The following RNLS variants were observed in gnomAD, a reference collection of about 807,000 sequenced individuals.
RNLS encodes renalase.
A neutral mutation model predicts 39.8 loss-of-function variants in RNLS; 39 were observed. That is an observed-to-expected ratio of 0.98 (90% CI 0.76 to 1.28). RNLS has a LOEUF of 1.28. Among genes scored for constraint, RNLS ranks in the 50% most tolerant of loss-of-function variants. The pLI, the probability that RNLS is intolerant of heterozygous loss-of-function variation, is 0.00. For synonymous variants in RNLS, 147 were observed against 150.7 expected (o/e 0.98, Z 0.18); for missense variants, 410 against 413.3 (o/e 0.99, Z 0.07).
chr10:88,360,967 C>T (rs1849599752), intron 5 of RNLS, among the ~76,000 whole-genome samples: 2 of 152,160 alleles, frequency 1.3e-5, no homozygotes, highest in East Asian at 1.9e-4. Context: ...TAACAAAATA[C>T]CATAGACTGG....
chr10:88,543,280 CTCCCAGTGT>C (rs1339277572), intron 4 of RNLS, among the ~76,000 whole-genome samples: 3 of 152,128 alleles, frequency 2.0e-5, no homozygotes, highest in Admixed American at 6.6e-5. Flanking sequence ...TCATCCACAG[CTCCCAGTGT>C]TCCCATCCTA....
chr10:88,394,966 T>A (rs1319295452), intron 4 of RNLS, among the ~76,000 whole-genome samples: 1 of 151,992 alleles, frequency 6.6e-6, no homozygotes, highest in Admixed American at 6.6e-5. Flanking sequence ...CACCGCATGT[T>A]CTCACTCATA....
At chr10:88,576,637 G>A (rs1199145238) in intron 3 of RNLS, among the ~76,000 whole-genome samples, 1 of 152,194 alleles carries the variant, frequency 6.6e-6, no homozygotes, top group Admixed American at 6.5e-5. Context: ...CGTTACGGAT[G>A]AGTGCCAGGA....
chr10:88,343,420 A>T (rs2133234013), intron 5 of RNLS: 1 of 594,180 alleles, frequency 1.7e-6, no homozygotes, highest in South Asian at 7.4e-5. Flanking sequence ...TCCATTTTCA[A>T]AAATGGGAAA....
intron 4 of RNLS, among the ~76,000 whole-genome samples, chr10:88,483,488 T>C (rs893801087): frequency 1.3e-5 from 2 of 152,194 alleles, no homozygotes; most frequent in Non-Finnish European, 2.9e-5. Flanking sequence ...TCTTGTTAAC[T>C]GTGATTTTTC....
intron 4 of RNLS, among the ~76,000 whole-genome samples, chr10:88,381,413 A>AATG (rs1491552626): frequency 1.3e-4 from 20 of 151,930 alleles, no homozygotes; most frequent in African/African-American, 4.8e-4. Context: ...TTTTAAAAAT[A>AATG]CAATATTTTC....
At chr10:88,474,253 G>A (rs1200392443) in intron 4 of RNLS, among the ~76,000 whole-genome samples, 1 of 152,028 alleles carries the variant, frequency 6.6e-6, no homozygotes. Context: ...TTGATTTATG[G>A]CTCCAGATTC....
chr10:88,466,567 T>C (rs913337362), intron 4 of RNLS, among the ~76,000 whole-genome samples: 3 of 152,166 alleles, frequency 2.0e-5, no homozygotes, highest in African/African-American at 7.2e-5. Flanking sequence ...TTCCTTCCTT[T>C]GCAACCCGCC....
intron 4 of RNLS, among the ~76,000 whole-genome samples, chr10:88,497,968 A>C (rs1589899224): frequency 1.3e-5 from 2 of 152,066 alleles, no homozygotes; most frequent in East Asian, 1.9e-4. Context: ...AAAAAGTCCT[A>C]GTCAAGAGCA....
Position 88,573,794 on chromosome 10 carries a change from T to A in RNLS, c.368-733A>T, listed in dbSNP as rs569947502. On this transcript the variant is annotated intron_variant, in intron 3 of 6. Coordinates refer to ENST00000331772, the MANE Select transcript of RNLS (RefSeq NM_001031709.3). ...ATTATACCTGTTTTATTTCTATGTATAGCATATAGTATACATAGCATAGAA... is the reference window on the plus strand; with the variant it reads ...ATTATACCTGTTTTATTTCTATGTAAAGCATATAGTATACATAGCATAGAA... Among the ~76,000 whole-genome samples the A allele has an allele frequency of 2.0e-5, 3 of 151,440 alleles. No homozygotes were observed. The East Asian group carries it at 5.8e-4, about 29-fold the overall frequency.
chr10:88,267,129 C>A, the RNLS span, among the ~76,000 whole-genome samples: 1 of 152,146 alleles, frequency 6.6e-6, no homozygotes, highest in Admixed American at 6.6e-5. Flanking sequence ...CTAATTTGGT[C>A]TTTGTGTCTG....
chr10:88,284,817 T>C lies in RNLS; in HGVS notation c.*537A>G. 4 of 985,322 alleles carry C rather than the reference T, an allele frequency of 4.1e-6. No homozygotes were observed. Among genetic ancestry groups the C allele is most frequent in the Non-Finnish European group, 4.8e-6 (4 of 829,852 alleles). 61.0% of individuals were successfully genotyped at this position (985,322 alleles called of 1,614,324 possible). On this transcript the variant is annotated 3_prime_UTR_variant, in exon 7 of 7. Transcript: ENST00000331772. ...CCCTCCACACTAAGATGATGACATA[T>C]ATGACCTACAATTCAGGATCACTTA... is the stretch of plus-strand genomic sequence containing the variant.
At chr10:88,536,160 G>C (rs938320315) in intron 4 of RNLS, among the ~76,000 whole-genome samples, 1 of 151,872 alleles carries the variant, frequency 6.6e-6, no homozygotes, top group African/African-American at 2.4e-5. Context: ...GGGTATAATA[G>C]TGGTACCTCC....
intron 4 of RNLS, among the ~76,000 whole-genome samples, chr10:88,566,639 T>G: frequency 6.6e-6 from 1 of 152,008 alleles, no homozygotes; most frequent in East Asian, 1.9e-4. Context: ...CAAAAGGAAC[T>G]CTTGAAAATT....
At chr10:88,319,867 A>G (rs1846047443) in intron 5 of RNLS, among the ~76,000 whole-genome samples, 2 of 152,154 alleles carry the variant, frequency 1.3e-5, no homozygotes, top group African/African-American at 4.8e-5. Context: ...AACATATTGG[A>G]GACAGTAATT....
the RNLS span, among the ~76,000 whole-genome samples, chr10:88,182,441 G>A: frequency 2.6e-5 from 4 of 152,182 alleles, no homozygotes; most frequent in Non-Finnish European, 4.4e-5. Flanking sequence ...TTCAAAATGC[G>A]TGGGGGTCAG....
At chr10:88,482,797 G>T (rs2134025875) in intron 4 of RNLS, among the ~76,000 whole-genome samples, 1 of 152,240 alleles carries the variant, frequency 6.6e-6, no homozygotes, top group Non-Finnish European at 1.5e-5. Flanking sequence ...TTCCCTGAAA[G>T]TAGTTGTTGT....
At chr10:88,329,918 T>C (rs1846962522) in intron 5 of RNLS, among the ~76,000 whole-genome samples, 1 of 151,740 alleles carries the variant, frequency 6.6e-6, no homozygotes, top group Non-Finnish European at 1.5e-5. Flanking sequence ...AGTACTCTTA[T>C]TTCTTCCAAC....
chr10:88,437,571 G>C (rs910633245), intron 4 of RNLS, among the ~76,000 whole-genome samples: 1 of 152,134 alleles, frequency 6.6e-6, no homozygotes, highest in Non-Finnish European at 1.5e-5. Context: ...ACAGTTGGAA[G>C]CCTTCCCAAT....
Sources: gnomAD v4.1 joint callset for allele counts (sites outside exome capture counted in the v4.1 genomes callset) on GRCh38, gnomAD v4.1.1 for gene constraint, MANE v1.5 for transcripts, NCBI Gene and HGNC (gene_info 2026-07-23, HGNC 2026-07-21) for gene names.